The following EVI5 variants were observed in gnomAD, a reference collection of about 807,000 sequenced individuals.
EVI5 encodes ecotropic viral integration site 5 protein homolog.
In EVI5, 73 loss-of-function variants were observed where a neutral mutation model predicts 112.0. That is an observed-to-expected ratio of 0.65 (90% CI 0.54 to 0.79). The LOEUF (loss-of-function observed/expected upper bound fraction) is 0.79. Among genes scored for constraint, EVI5 ranks in the 30% least tolerant of loss-of-function variants. The probability of loss-of-function intolerance (pLI) is 0.00; values close to 1 mark genes in which losing one functional copy is unlikely to be tolerated. For missense variants in EVI5, 900 were observed against 968.8 expected, an observed-to-expected ratio of 0.93 and a Z score of 0.94; for synonymous variants, 305 against 319.9, an observed-to-expected ratio of 0.95 and a Z score of 0.50.
At chr1:92,715,451 T>C (rs1673476764) in intron 2 of EVI5, among the ~76,000 whole-genome samples, 1 of 152,216 alleles carries the variant, frequency 6.6e-6, no homozygotes, top group African/African-American at 2.4e-5. Flanking sequence ...TCAAAATCTC[T>C]TTTCTGAACA....
chr1:92,680,975 G>A (rs543355803), intron 9 of EVI5, among the ~76,000 whole-genome samples: 14 of 152,218 alleles, frequency 9.2e-5, no homozygotes, highest in African/African-American at 2.2e-4. Flanking sequence ...ATCCTAGAGC[G>A]GACCCTGGAC....
At position 92,512,962 on chromosome 1, in the gene EVI5, C is replaced by T. The variant is rs1358550474; in HGVS notation, c.*694G>A. On this transcript the variant is annotated 3_prime_UTR_variant, in exon 20 of 20. Transcript: ENST00000684568. ...AGGAGTTCGAGACCAGCCCAGCCAA[C>T]ATGGTGAAACCCCATCTCTACTAAA... 6.6e-6 allele frequency: 1 copy of T among 151,904 alleles called. No individual in the cohort carries two copies. Among genetic ancestry groups the T allele is most frequent in the East Asian group, 1.9e-4 (1 of 5,192 alleles). The allele number at this position is 151,904 out of a possible 1,614,324, so 9.4% of individuals were successfully genotyped here.
At chr1:92,702,469 A>AAAATC (rs1362904722) in intron 4 of EVI5, among the ~76,000 whole-genome samples, 6 of 151,270 alleles carry the variant, frequency 4.0e-5, no homozygotes, top group African/African-American at 1.5e-4. Flanking sequence ...AAAATAAAAT[A>AAAATC]AAATAAAATA....
intron 14 of EVI5, 142 bp downstream of exon 14, chr1:92,636,060 T>C (rs961561753): frequency 2.2e-5 from 14 of 643,818 alleles, no homozygotes; most frequent in African/African-American, 2.0e-4. Context: ...AAAATCTTTT[T>C]TTCCTTTTCC....
chr1:92,777,109 TG>T (rs1257505685), intron 1 of EVI5, among the ~76,000 whole-genome samples: 1 of 151,842 alleles, frequency 6.6e-6, no homozygotes, highest in African/African-American at 2.4e-5. Context: ...GCCAATTTTT[TG>T]TATTTTTAGT....
chr1:92,636,980 G>A (rs1658978412), intron 13 of EVI5, among the ~76,000 whole-genome samples: 1 of 152,000 alleles, frequency 6.6e-6, no homozygotes, highest in Admixed American at 6.6e-5. Flanking sequence ...CAGAAGACAT[G>A]TAAAGATTAC....
intron 3 of EVI5, chr1:92,703,829 T>C (rs996317424): frequency 9.0e-5 from 44 of 489,324 alleles, no homozygotes; most frequent in Non-Finnish European, 1.5e-4. Context: ...GGATTAATAA[T>C]GATCATTTCA....
At chr1:92,743,725 T>C (rs566812581) in intron 1 of EVI5, among the ~76,000 whole-genome samples, 1 of 152,328 alleles carries the variant, frequency 6.6e-6, no homozygotes, top group East Asian at 1.9e-4. Context: ...TTCTTGACAT[T>C]AGTAATTTGT....
At chr1:92,575,583 T>G (rs894370713) in intron 18 of EVI5, among the ~76,000 whole-genome samples, 7 of 56,684 alleles carry the variant, frequency 1.2e-4, no homozygotes, top group African/African-American at 4.9e-4. Context: ...TTTTTTTTTT[T>G]TTCTGAGACA....
At chr1:92,546,454 T>G (rs960040623) in intron 19 of EVI5, among the ~76,000 whole-genome samples, 1 of 152,076 alleles carries the variant, frequency 6.6e-6, no homozygotes, top group African/African-American at 2.4e-5. Context: ...ATCCCAGCAC[T>G]TTGGGAGACC....
At chr1:92,546,038 C>T (rs1015793883) in intron 19 of EVI5, among the ~76,000 whole-genome samples, 8 of 152,040 alleles carry the variant, frequency 5.3e-5, no homozygotes, top group African/African-American at 9.7e-5. Flanking sequence ...ACTGCCCACA[C>T]GAACTGCTTT....
chr1:92,648,440 A>G (rs1438652249), intron 13 of EVI5, among the ~76,000 whole-genome samples: 1 of 152,050 alleles, frequency 6.6e-6, no homozygotes, highest in Non-Finnish European at 1.5e-5. Flanking sequence ...GTCTTATAGT[A>G]TATTAAGAAT....
chr1:92,630,309 C>T (rs1158814508), intron 14 of EVI5, among the ~76,000 whole-genome samples: 2 of 152,208 alleles, frequency 1.3e-5, no homozygotes, highest in Non-Finnish European at 2.9e-5. Flanking sequence ...TCCTATTTCT[C>T]CACATCCTCT....
At chr1:92,535,846 C>T (rs1040841216) in intron 19 of EVI5, among the ~76,000 whole-genome samples, 3 of 151,758 alleles carry the variant, frequency 2.0e-5, no homozygotes, top group Admixed American at 1.3e-4. Context: ...CACCATGGCA[C>T]GTGTATACCT....
At chr1:92,786,324 C>A (rs1685639129), upstream of EVI5, among the ~76,000 whole-genome samples, 1 of 151,412 alleles carries the variant, frequency 6.6e-6, no homozygotes, top group Non-Finnish European at 1.5e-5. Flanking sequence ...CTCCACCCAG[C>A]TAAAAACTTT....
chr1:92,565,951 A>AAAAAAAAAAAAAAAAAAAAAAAAAAAAG (rs1557801324), intron 18 of EVI5, among the ~76,000 whole-genome samples: 2 of 144,448 alleles, frequency 1.4e-5, no homozygotes, highest in African/African-American at 5.3e-5. Flanking sequence ...GCCCGAGCAA[A>AAAAAAAAAAAAAAAAAAAAAAAAAAAAG]AAAAAAAAAA....
chr1:92,606,714 T>A (rs1254371264), intron 17 of EVI5, among the ~76,000 whole-genome samples: 4 of 152,180 alleles, frequency 2.6e-5, no homozygotes, highest in African/African-American at 9.7e-5. Context: ...GCTTTACATG[T>A]GCCATCAAAA....
rs1650225393 is a variant in EVI5 at position 92,605,680 on chromosome 1, A to C, written c.1975-278T>G. Among the ~76,000 whole-genome samples the C allele has an allele frequency of 2.6e-5, 4 of 152,234 alleles. No homozygotes were observed. In the South Asian group the frequency reaches 8.3e-4, roughly 32 times the overall value. On this transcript the variant is annotated intron_variant, in intron 17 of 19. Transcript: ENST00000684568. Reference sequence around the variant, plus strand: ...TGTGTGAAATTTATGAAAAAACTCCAGGGTTTTAGAGTGTTTTGCATTTTG... The same window carrying C: ...TGTGTGAAATTTATGAAAAAACTCCCGGGTTTTAGAGTGTTTTGCATTTTG...
intron 19 of EVI5, among the ~76,000 whole-genome samples, chr1:92,523,508 T>C (rs1661314809): frequency 1.3e-5 from 2 of 152,180 alleles, no homozygotes; most frequent in South Asian, 2.1e-4. Context: ...AATACGGGTA[T>C]ATAAAGTAAG....
Sources: gnomAD v4.1 joint callset for allele counts (sites outside exome capture counted in the v4.1 genomes callset) on GRCh38, gnomAD v4.1.1 for gene constraint, MANE v1.5 for transcripts, NCBI Gene and HGNC (gene_info 2026-07-23, HGNC 2026-07-21) for gene names.